KIAA1549L: variants seen among roughly 807,000 people sequenced by gnomAD.
KIAA1549L encodes KIAA1549 like, also known as UPF0606 protein KIAA1549L.
A neutral mutation model predicts 160.7 loss-of-function variants in KIAA1549L; 88 were observed. The observed-to-expected ratio is 0.55, with a 90% confidence interval of 0.46 to 0.65. The LOEUF (loss-of-function observed/expected upper bound fraction) is 0.65. Ranked by LOEUF, KIAA1549L falls within the 30% of genes least tolerant of loss-of-function variation. KIAA1549L has a pLI of 0.00. For missense variants in KIAA1549L, 2,258 were observed against 2,437.5 expected, an observed-to-expected ratio of 0.93 and a Z score of 1.55; for synonymous variants, 950 against 976.7, an observed-to-expected ratio of 0.97 and a Z score of 0.51.
chr11:33,452,640 A>G (rs544702009), intron 1 of KIAA1549L, among the ~76,000 whole-genome samples: 196 of 151,026 alleles, frequency 1.3e-3, no homozygotes, highest in African/African-American at 4.6e-3. Flanking sequence ...GTATGTATGT[A>G]TGGGCAGAAA....
chr11:33,397,708 TCTCACACACA>T (rs1266206936), intron 1 of KIAA1549L, among the ~76,000 whole-genome samples: 20 of 98,950 alleles, frequency 2.0e-4, no homozygotes, highest in African/African-American at 7.2e-4. Flanking sequence ...CGAGACTCCA[TCTCACACACA>T]CACACACACA....
chr11:33,624,291 C>A (rs1851036889), intron 16 of KIAA1549L, among the ~76,000 whole-genome samples: 1 of 152,226 alleles, frequency 6.6e-6, no homozygotes, highest in African/African-American at 2.4e-5. Flanking sequence ...CATCTGAGGA[C>A]TGACAGCTGG....
At chr11:33,594,492 A>C (rs1327438419) in intron 12 of KIAA1549L, among the ~76,000 whole-genome samples, 1 of 152,230 alleles carries the variant, frequency 6.6e-6, no homozygotes, top group Non-Finnish European at 1.5e-5. Context: ...TACCCCAGGT[A>C]GCAAGGGCCT....
intron 1 of KIAA1549L, among the ~76,000 whole-genome samples, chr11:33,473,095 T>G (rs1386420210): frequency 6.6e-6 from 1 of 152,250 alleles, no homozygotes; most frequent in Non-Finnish European, 1.5e-5. Flanking sequence ...GTGTCTGTAC[T>G]TCAGACTTGG....
chr11:33,547,638 G>T, intron 3 of KIAA1549L, 126 bp from the exon 4 acceptor site: 1 of 626,926 alleles, frequency 1.6e-6, no homozygotes, highest in Non-Finnish European at 2.9e-6. Flanking sequence ...CCCCCTCAAT[G>T]ATGGCCCTGT....
chr11:33,495,096 T>A (rs1852783624), intron 1 of KIAA1549L, among the ~76,000 whole-genome samples: 1 of 152,020 alleles, frequency 6.6e-6, no homozygotes, highest in Non-Finnish European at 1.5e-5. Flanking sequence ...ATTATTATTA[T>A]TATTATTTTA....
intron 1 of KIAA1549L, among the ~76,000 whole-genome samples, chr11:33,405,453 C>CA (rs987398303): frequency 6.7e-6 from 1 of 148,456 alleles, no homozygotes; most frequent in Non-Finnish European, 1.5e-5. Flanking sequence ...AATAGACTAA[C>CA]AAAAAAATTC....
chr11:33,569,324 C>T (rs894406498), intron 9 of KIAA1549L, among the ~76,000 whole-genome samples: 1 of 152,184 alleles, frequency 6.6e-6, no homozygotes, highest in African/African-American at 2.4e-5. Context: ...TGCTAATTAA[C>T]AAAGCTCTGT....
chr11:33,496,389 G>A (rs1242353501), intron 1 of KIAA1549L, among the ~76,000 whole-genome samples: 1 of 152,214 alleles, frequency 6.6e-6, no homozygotes, highest in Non-Finnish European at 1.5e-5. Flanking sequence ...GAAGTCACTG[G>A]AGGGGTCGTC....
At chr11:33,425,444 G>A (rs1157729683) in intron 1 of KIAA1549L, among the ~76,000 whole-genome samples, 1 of 152,216 alleles carries the variant, frequency 6.6e-6, no homozygotes, top group Admixed American at 6.5e-5. Flanking sequence ...TGACAACTGT[G>A]TTTTATACTT....
In KIAA1549L at chr11:33,507,799, G is replaced by A. The variant is rs959961423; in HGVS notation, c.239-34003G>A. On this transcript the variant is annotated intron_variant, in intron 1 of 20. Coordinates refer to ENST00000658780, the MANE Select transcript of KIAA1549L (RefSeq NM_012194.3). ...ACCAAGGCTCATTACAAGCAAAATT[G>A]TATTATATTGATATATGACTCTGTT... 2.6e-4 allele frequency among the ~76,000 whole-genome samples: 40 copies of A among 152,132 alleles called. 1 individual carries two copies. The highest frequency in any genetic ancestry group is 9.4e-4 in the African/African-American group (39 of 41,426).
intron 1 of KIAA1549L, among the ~76,000 whole-genome samples, chr11:33,534,926 T>A (rs1327987184): frequency 6.6e-6 from 1 of 152,186 alleles, no homozygotes; most frequent in African/African-American, 2.4e-5. Context: ...TATTGCTATG[T>A]GACAAATCCC....
chr11:33,529,961 G>T (rs1188911726), intron 1 of KIAA1549L, among the ~76,000 whole-genome samples: 2 of 152,096 alleles, frequency 1.3e-5, no homozygotes, highest in Admixed American at 1.3e-4. Context: ...TAGTCTTTTT[G>T]CCCAATTCTC....
intron 16 of KIAA1549L, among the ~76,000 whole-genome samples, chr11:33,631,899 G>A (rs1245148928): frequency 6.6e-6 from 1 of 152,174 alleles, no homozygotes; most frequent in Admixed American, 6.5e-5. Flanking sequence ...GTCTCTATTT[G>A]TTGGGCAAAT....
At chr11:33,472,834 C>T (rs187507766) in intron 1 of KIAA1549L, among the ~76,000 whole-genome samples, 242 of 152,300 alleles carry the variant, frequency 1.6e-3, no homozygotes, top group South Asian at 5.8e-3. Flanking sequence ...GAGAGATTCA[C>T]CTTACTAGTT....
Position 33,408,510 on chromosome 11 carries a change from T to TATATATATATATATATAC in KIAA1549L, c.238+31622_238+31623insTATATATATATATATACA, listed in dbSNP as rs58439063. 1.1e-3 allele frequency among the ~76,000 whole-genome samples: 167 copies of TATATATATATATATATAC among 146,068 alleles called. 1 individual carries two copies. The highest frequency in any genetic ancestry group is 4.0e-3 in the African/African-American group (156 of 39,106). On this transcript the variant is annotated intron_variant, in intron 1 of 20. Coordinates refer to ENST00000658780, the MANE Select transcript of KIAA1549L (RefSeq NM_012194.3). ...ATGTGTATATATATATATATATATA[T>TATATATATATATATATAC]ACACATGTATATATGTATACAGAAA...
At chr11:33,562,678 C>CTTTTTTTT (rs35756207) in intron 8 of KIAA1549L, among the ~76,000 whole-genome samples, 2 of 134,038 alleles carry the variant, frequency 1.5e-5, no homozygotes, top group African/African-American at 5.6e-5. Context: ...TTCATTTCCT[C>CTTTTTTTT]TTTTTTTTTT....
intron 11 of KIAA1549L, among the ~76,000 whole-genome samples, chr11:33,587,329 G>T (rs1849913183): frequency 6.6e-6 from 1 of 152,178 alleles, no homozygotes; most frequent in Non-Finnish European, 1.5e-5. Context: ...TCACTAATGT[G>T]TCTAATGGGC....
intron 1 of KIAA1549L, among the ~76,000 whole-genome samples, chr11:33,452,994 T>C (rs1851751924): frequency 6.6e-6 from 1 of 152,236 alleles, no homozygotes; most frequent in South Asian, 2.1e-4. Context: ...AATTGACTCA[T>C]GCTTATGCTT....
Sources: gnomAD v4.1 joint callset for allele counts (sites outside exome capture counted in the v4.1 genomes callset) on GRCh38, gnomAD v4.1.1 for gene constraint, MANE v1.5 for transcripts, NCBI Gene and HGNC (gene_info 2026-07-23, HGNC 2026-07-21) for gene names.